The following MAF variants were observed in gnomAD, a reference collection of about 807,000 sequenced individuals.
The protein encoded by MAF is transcription factor Maf.
MAF carries 10 observed loss-of-function variants against 22.0 expected under a neutral mutation model. That is an observed-to-expected ratio of 0.45 (90% CI 0.28 to 0.77). The LOEUF (loss-of-function observed/expected upper bound fraction) is 0.77, where lower values mean the gene tolerates loss of function less well. Ranked by LOEUF, MAF falls within the 30% of genes least tolerant of loss-of-function variation. The pLI, the probability that MAF is intolerant of heterozygous loss-of-function variation, is 0.12. For missense variants in MAF, 544 were observed against 548.4 expected (o/e 0.99, Z 0.08); for synonymous variants, 337 against 255.8 (o/e 1.32, Z -3.03).
At chr16:79,399,408 T>C in the MAF span, among the ~76,000 whole-genome samples, 1 of 152,136 alleles carries the variant, frequency 6.6e-6, no homozygotes, top group African/African-American at 2.4e-5. Context: ...GATGGTTCAG[T>C]AGGGTTGGCT....
the MAF span, among the ~76,000 whole-genome samples, chr16:79,430,835 G>T: frequency 6.6e-6 from 1 of 152,154 alleles, no homozygotes; most frequent in Non-Finnish European, 1.5e-5. Flanking sequence ...TCTGCTCTTG[G>T]CCTCAGCACC....
At chr16:79,262,086 G>A in the MAF span, among the ~76,000 whole-genome samples, 1 of 152,160 alleles carries the variant, frequency 6.6e-6, no homozygotes, top group Non-Finnish European at 1.5e-5. Flanking sequence ...GCCAGGGAGG[G>A]GGCTAATATT....
chr16:79,403,450 A>G, the MAF span, among the ~76,000 whole-genome samples: 1 of 152,178 alleles, frequency 6.6e-6, no homozygotes. Flanking sequence ...TTGCTCCAGT[A>G]TCCAGGGCAG....
chr16:79,470,634 A>T, the MAF span, among the ~76,000 whole-genome samples: 3 of 152,210 alleles, frequency 2.0e-5, no homozygotes, highest in African/African-American at 7.2e-5. Context: ...ACTGGGTATT[A>T]TTCTTCCCAT....
chr16:79,541,699 C>A, the MAF span, among the ~76,000 whole-genome samples: 1 of 132,378 alleles, frequency 7.6e-6, no homozygotes, highest in African/African-American at 2.9e-5. Flanking sequence ...GTGTTCCAGT[C>A]TGCTGCCCAG....
Position 79,598,111 on chromosome 16 carries a change from C to T in MAF, c.1118+674G>A, listed in dbSNP as rs530572600. 14 of 1,042,676 alleles carry T rather than the reference C, an allele frequency of 1.3e-5. No individual in the cohort carries two copies. In the African/African-American group the frequency reaches 1.7e-4, roughly 13 times the overall value. 64.6% of individuals were successfully genotyped at this position (1,042,676 alleles called of 1,614,324 possible). Reference sequence around the variant, plus strand: ...TCTATAACATTTCACATTTTTTTTTCCTTTGCAAGCTCAATCTCACATGAA... The same window carrying T: ...TCTATAACATTTCACATTTTTTTTTTCTTTGCAAGCTCAATCTCACATGAA... On this transcript the variant is annotated intron_variant, in intron 1 of 1. Coordinates refer to ENST00000326043, the MANE Select transcript of MAF (RefSeq NM_005360.5).
the MAF span, among the ~76,000 whole-genome samples, chr16:79,252,838 A>T: frequency 4.6e-5 from 7 of 152,060 alleles, no homozygotes; most frequent in Non-Finnish European, 7.4e-5. Context: ...CATTTGAGGG[A>T]AAGTTATTTA....
downstream of MAF, among the ~76,000 whole-genome samples, chr16:79,592,814 C>A (rs1913262952): frequency 6.6e-6 from 1 of 152,220 alleles, no homozygotes; most frequent in African/African-American, 2.4e-5. Context: ...AGAACTAAGA[C>A]ATTTCTTCAA....
the MAF span, among the ~76,000 whole-genome samples, chr16:79,286,404 G>GCC: frequency 6.6e-6 from 1 of 152,090 alleles, no homozygotes; most frequent in Non-Finnish European, 1.5e-5. Flanking sequence ...TGAAAAGTTG[G>GCC]CCCCACCATC....
the MAF span, among the ~76,000 whole-genome samples, chr16:79,424,442 G>A: frequency 0.24 from 36,043 of 152,056 alleles, 5,928 homozygotes; most frequent in African/African-American, 0.47. Flanking sequence ...CTGCGGGCCT[G>A]GGCACTTTTG....
At chr16:79,339,043 AATTTTTTATTTTT>A in the MAF span, among the ~76,000 whole-genome samples, 3 of 151,556 alleles carry the variant, frequency 2.0e-5, no homozygotes, top group Non-Finnish European at 4.4e-5. Context: ...AAGGCTTTTT[AATTTTTTATTTTT>A]ATTTTTTATT....
At chr16:79,478,290 G>C in the MAF span, among the ~76,000 whole-genome samples, 1 of 152,174 alleles carries the variant, frequency 6.6e-6, no homozygotes, top group Non-Finnish European at 1.5e-5. Context: ...ACTTTACAGG[G>C]CTACAAAGAA....
At chr16:79,550,337 GGA>G in the MAF span, among the ~76,000 whole-genome samples, 5 of 150,098 alleles carry the variant, frequency 3.3e-5, no homozygotes, top group African/African-American at 4.9e-5. Flanking sequence ...TAGGGGGAAA[GGA>G]GAGAGAGAGA....
the MAF span, among the ~76,000 whole-genome samples, chr16:79,559,864 G>A: frequency 2.0e-5 from 3 of 152,162 alleles, no homozygotes; most frequent in African/African-American, 7.2e-5. Flanking sequence ...TAACACTGCT[G>A]CTTTGGTTTT....
chr16:79,408,165 A>G, the MAF span, among the ~76,000 whole-genome samples: 15 of 150,864 alleles, frequency 9.9e-5, no homozygotes, highest in South Asian at 2.1e-4. Flanking sequence ...CTGGGCTAAC[A>G]TCGTGGCTTT....
At chr16:79,511,877 C>T in the MAF span, among the ~76,000 whole-genome samples, 1 of 152,178 alleles carries the variant, frequency 6.6e-6, no homozygotes, top group Non-Finnish European at 1.5e-5. Flanking sequence ...TACATATTTA[C>T]CTCTGCTTCG....
At chr16:79,522,983 G>A in the MAF span, among the ~76,000 whole-genome samples, 3 of 152,138 alleles carry the variant, frequency 2.0e-5, no homozygotes, top group African/African-American at 7.2e-5. Context: ...CCCCGCACAG[G>A]GAGAAAGGCA....
the MAF span, among the ~76,000 whole-genome samples, chr16:79,470,148 T>G: frequency 3.9e-5 from 6 of 152,218 alleles, no homozygotes; most frequent in Non-Finnish European, 8.8e-5. Flanking sequence ...GTGCTTACAT[T>G]TGGAACATGA....
the MAF span, among the ~76,000 whole-genome samples, chr16:79,427,431 C>T: frequency 1.3e-5 from 2 of 152,178 alleles, no homozygotes; most frequent in East Asian, 1.9e-4. Flanking sequence ...TTTAAGCACA[C>T]GATTCTGTTG....
Sources: allele counts gnomAD v4.1 joint callset (sites outside exome capture counted in the v4.1 genomes callset), GRCh38; gene constraint gnomAD v4.1.1; transcripts MANE v1.5; gene names NCBI Gene and HGNC (gene_info 2026-07-23, HGNC 2026-07-21).